Variants in PLPPR1 observed in about 807,000 individuals in gnomAD.
PLPPR1 encodes phospholipid phosphatase related 1.
PLPPR1 carries 10 observed loss-of-function variants against 33.1 expected under a neutral mutation model. The ratio of observed to expected loss-of-function variants is 0.30; its 90% CI spans 0.19 to 0.51. The LOEUF (loss-of-function observed/expected upper bound fraction) is 0.51. Among genes scored for constraint, PLPPR1 ranks in the 20% least tolerant of loss-of-function variants. The pLI is 0.97. For synonymous variants in PLPPR1, 151 were observed against 151.0 expected (o/e 1.00, Z 0.00); for missense variants, 304 against 408.1 (o/e 0.74, Z 2.20).
At chr9:101,195,203 G>A (rs1826374672) in intron 2 of PLPPR1, among the ~76,000 whole-genome samples, 1 of 152,248 alleles carries the variant, frequency 6.6e-6, no homozygotes, top group Non-Finnish European at 1.5e-5. Context: ...ATTGATATAG[G>A]TCAGTTCCAC....
intron 1 of PLPPR1, among the ~76,000 whole-genome samples, chr9:101,138,775 A>T (rs1011131743): frequency 2.0e-5 from 3 of 152,182 alleles, no homozygotes; most frequent in Admixed American, 6.5e-5. Flanking sequence ...AGGATGACTA[A>T]GGCTCAGAGA....
rs947603876 is a variant in PLPPR1, at chr9:101,207,326, C to A, written c.63+21769C>A. Among the ~76,000 whole-genome samples the A allele has an allele frequency of 5.9e-5, 9 of 152,214 alleles. No individual in the cohort carries two copies. The East Asian group carries it at 1.7e-3, about 29-fold the overall frequency. The stretch of plus-strand genomic sequence containing the variant: ...TAGAAGCATTAGACCAGATTACCTG[C>A]AGTATTATTATTGCCCTCTACACTT... On this transcript the variant is annotated intron_variant, in intron 2 of 7. Transcript: ENST00000374874.
At chr9:101,059,757 C>A (rs1830321633) in intron 1 of PLPPR1, among the ~76,000 whole-genome samples, 1 of 151,858 alleles carries the variant, frequency 6.6e-6, no homozygotes, top group Admixed American at 6.6e-5. Flanking sequence ...GAATTAAAAC[C>A]ACAATGAAGT....
At chr9:101,320,466 T>TA (rs1829132945) in intron 7 of PLPPR1, among the ~76,000 whole-genome samples, 1 of 152,220 alleles carries the variant, frequency 6.6e-6, no homozygotes, top group South Asian at 2.1e-4. Context: ...GTAGACACTT[T>TA]AGCCAAAACC....
chr9:101,243,250 T>TCC (rs1373450496), intron 2 of PLPPR1, among the ~76,000 whole-genome samples: 2 of 151,958 alleles, frequency 1.3e-5, no homozygotes, highest in African/African-American at 4.8e-5. Flanking sequence ...GGAGTTGGGA[T>TCC]TTTTATCCTC....
intron 1 of PLPPR1, among the ~76,000 whole-genome samples, chr9:101,063,749 A>T (rs1414714391): frequency 6.6e-6 from 1 of 152,088 alleles, no homozygotes; most frequent in African/African-American, 2.4e-5. Context: ...TTTCTTAAAC[A>T]CTATCCCCAT....
intron 4 of PLPPR1, among the ~76,000 whole-genome samples, chr9:101,299,043 T>C (rs1321494391): frequency 6.6e-6 from 1 of 152,118 alleles, no homozygotes; most frequent in Non-Finnish European, 1.5e-5. Context: ...AGTCTAAAGA[T>C]AAGTGACAGT....
chr9:101,209,026 TA>T (rs1826637482), intron 2 of PLPPR1, among the ~76,000 whole-genome samples: 1 of 152,214 alleles, frequency 6.6e-6, no homozygotes, highest in Admixed American at 6.5e-5. Flanking sequence ...GAATTCATTT[TA>T]AAAAATTGTT....
intron 1 of PLPPR1, among the ~76,000 whole-genome samples, chr9:101,046,533 G>A (rs547908269): frequency 2.8e-5 from 4 of 145,404 alleles, no homozygotes; most frequent in South Asian, 2.2e-4. Context: ...TCTGCCTCCC[G>A]GGTTCACGCC....
chr9:101,190,477 A>C (rs1386215599), intron 2 of PLPPR1, among the ~76,000 whole-genome samples: 2 of 152,090 alleles, frequency 1.3e-5, no homozygotes, highest in Non-Finnish European at 2.9e-5. Flanking sequence ...GGTGGTAATG[A>C]GACATATAAG....
At chr9:101,031,588 A>C (rs533379971) in intron 1 of PLPPR1, among the ~76,000 whole-genome samples, 34 of 152,216 alleles carry the variant, frequency 2.2e-4, no homozygotes, top group Non-Finnish European at 4.0e-4. Flanking sequence ...AAAGATAAGA[A>C]AGTAAAAAAT....
chr9:101,078,087 G>GGAGAAGGAGAAGGAGAAGGAGA, intron 1 of PLPPR1, among the ~76,000 whole-genome samples: 1 of 67,784 alleles, frequency 1.5e-5, no homozygotes, highest in East Asian at 5.1e-4. Flanking sequence ...AATGGAGGAG[G>GGAGAAGGAGAAGGAGAAGGAGA]AGGAGAAGGA....
chr9:101,281,670 A>C (rs1427815521), intron 3 of PLPPR1, among the ~76,000 whole-genome samples: 1 of 152,028 alleles, frequency 6.6e-6, no homozygotes, highest in African/African-American at 2.4e-5. Flanking sequence ...TTTTTTGAAA[A>C]GATAGACTAA....
At chr9:101,222,856 T>TATTA (rs1045309010) in intron 2 of PLPPR1, among the ~76,000 whole-genome samples, 6 of 152,058 alleles carry the variant, frequency 3.9e-5, no homozygotes, top group African/African-American at 1.4e-4. Flanking sequence ...GTAGATCCTT[T>TATTA]ATTAATTCAC....
chr9:101,159,925 T>G (rs1378061583), intron 1 of PLPPR1, among the ~76,000 whole-genome samples: 1 of 152,200 alleles, frequency 6.6e-6, no homozygotes, highest in Non-Finnish European at 1.5e-5. Flanking sequence ...TAACTTAAGT[T>G]TCTTCCACAA....
At chr9:101,321,560 C>A (rs1368581365) in intron 7 of PLPPR1, among the ~76,000 whole-genome samples, 1 of 151,984 alleles carries the variant, frequency 6.6e-6, no homozygotes, top group East Asian at 1.9e-4. Flanking sequence ...TATCCATGTT[C>A]TACACCCCGC....
intron 4 of PLPPR1, among the ~76,000 whole-genome samples, chr9:101,302,165 T>C (rs1828765899): frequency 6.6e-6 from 1 of 152,222 alleles, no homozygotes; most frequent in Non-Finnish European, 1.5e-5. Context: ...AATGTAGGGA[T>C]AATAGTGTCT....
chr9:101,198,319 C>T (rs1357856356), intron 2 of PLPPR1, among the ~76,000 whole-genome samples: 2 of 152,092 alleles, frequency 1.3e-5, no homozygotes, highest in African/African-American at 2.4e-5. Context: ...CTACATGGGG[C>T]CTTAGATCAC....
chr9:101,036,323 A>G (rs1830009410), intron 1 of PLPPR1, among the ~76,000 whole-genome samples: 2 of 152,198 alleles, frequency 1.3e-5, no homozygotes, highest in South Asian at 2.1e-4. Flanking sequence ...GCTAATAAGC[A>G]TTTCATGACC....
Sources: gnomAD v4.1 joint callset for allele counts (sites outside exome capture counted in the v4.1 genomes callset) on GRCh38, gnomAD v4.1.1 for gene constraint, MANE v1.5 for transcripts, NCBI Gene and HGNC (gene_info 2026-07-23, HGNC 2026-07-21) for gene names.